The following GRID1 variants were observed in gnomAD, a reference collection of about 807,000 sequenced individuals.
GRID1 encodes glutamate ionotropic receptor delta type subunit 1, also known as glutamate receptor ionotropic, delta-1.
In GRID1, 28 loss-of-function variants were observed where a neutral mutation model predicts 98.0. The ratio of observed to expected loss-of-function variants is 0.29; its 90% CI spans 0.21 to 0.39. The LOEUF (loss-of-function observed/expected upper bound fraction) is 0.39, where lower values mean the gene tolerates loss of function less well. GRID1 is among the 10% of genes least tolerant of loss of function. The pLI is 1.00. For synonymous variants in GRID1, 553 were observed against 538.5 expected, an observed-to-expected ratio of 1.03 and a Z score of -0.37; for missense variants, 1,111 against 1,340.5, an observed-to-expected ratio of 0.83 and a Z score of 2.67.
At chr10:86,191,938 G>A (rs1421922519) in intron 3 of GRID1, among the ~76,000 whole-genome samples, 1 of 152,172 alleles carries the variant, frequency 6.6e-6, no homozygotes, top group Non-Finnish European at 1.5e-5. Flanking sequence ...CAGAGGTCTT[G>A]AGGGAGTGAT....
intron 12 of GRID1, among the ~76,000 whole-genome samples, chr10:85,680,566 G>A (rs1023793685): frequency 6.6e-6 from 1 of 152,190 alleles, no homozygotes; most frequent in Non-Finnish European, 1.5e-5. Context: ...ACAGAATGGA[G>A]ATTTCTCAAA....
At chr10:85,719,493 G>C (rs1841676178) in intron 12 of GRID1, among the ~76,000 whole-genome samples, 1 of 152,210 alleles carries the variant, frequency 6.6e-6, no homozygotes, top group Non-Finnish European at 1.5e-5. Flanking sequence ...ATCATGGTGG[G>C]AGGTGAAAGG....
At chr10:86,145,263 C>T (rs1209872659) in intron 3 of GRID1, among the ~76,000 whole-genome samples, 1 of 152,132 alleles carries the variant, frequency 6.6e-6, no homozygotes, top group African/African-American at 2.4e-5. Flanking sequence ...GCTCTTGTTG[C>T]CCAGGCTGGA....
chr10:86,303,743 G>A (rs751930591), intron 2 of GRID1, among the ~76,000 whole-genome samples: 1 of 152,176 alleles, frequency 6.6e-6, no homozygotes, highest in Non-Finnish European at 1.5e-5. Context: ...TCACCCAGTT[G>A]CACAGGGAGC....
intron 12 of GRID1, among the ~76,000 whole-genome samples, chr10:85,695,114 T>A (rs1841379114): frequency 6.6e-6 from 1 of 152,074 alleles, no homozygotes; most frequent in South Asian, 2.1e-4. Context: ...ATAAGAGAAA[T>A]ACTAATTTGG....
intron 4 of GRID1, among the ~76,000 whole-genome samples, chr10:86,102,819 T>C (rs747496397): frequency 1.3e-5 from 2 of 152,166 alleles, no homozygotes; most frequent in Non-Finnish European, 2.9e-5. Context: ...TCATCTTGAA[T>C]TGTAGTGCCC....
intron 3 of GRID1, among the ~76,000 whole-genome samples, chr10:86,151,517 T>C (rs900837058): frequency 6.6e-6 from 1 of 152,096 alleles, no homozygotes; most frequent in Non-Finnish European, 1.5e-5. Context: ...ATGCTGGAGT[T>C]TGGCATTTAA....
At chr10:86,174,879 A>G (rs1258653275) in intron 3 of GRID1, among the ~76,000 whole-genome samples, 2 of 152,180 alleles carry the variant, frequency 1.3e-5, no homozygotes, top group African/African-American at 2.4e-5. Context: ...CAGCCAAAAA[A>G]CACATGAAAA....
intron 3 of GRID1, among the ~76,000 whole-genome samples, chr10:86,146,695 C>T (rs1431065091): frequency 1.3e-5 from 2 of 152,162 alleles, no homozygotes; most frequent in African/African-American, 4.8e-5. Context: ...GGGCCAGGCC[C>T]TATGCTTGGT....
At chr10:85,634,954 T>C (rs1021232243) in intron 13 of GRID1, among the ~76,000 whole-genome samples, 4 of 124,414 alleles carry the variant, frequency 3.2e-5, no homozygotes, top group African/African-American at 9.4e-5. Flanking sequence ...AGGTGAAGCG[T>C]ATCAGACCTG....
chr10:85,993,157 T>C (rs1842702130), intron 4 of GRID1, among the ~76,000 whole-genome samples: 1 of 152,048 alleles, frequency 6.6e-6, no homozygotes, highest in Non-Finnish European at 1.5e-5. Flanking sequence ...GTAAGTAAGG[T>C]AAGAGAAGAG....
chr10:85,614,528 C>T (rs1357604712), intron 14 of GRID1, among the ~76,000 whole-genome samples: 1 of 152,150 alleles, frequency 6.6e-6, no homozygotes, highest in Non-Finnish European at 1.5e-5. Flanking sequence ...GGTGAAATGT[C>T]TTGCCAAAAG....
intron 2 of GRID1, among the ~76,000 whole-genome samples, chr10:86,309,465 C>T (rs1589444889): frequency 6.6e-6 from 1 of 152,194 alleles, no homozygotes; most frequent in Non-Finnish European, 1.5e-5. Flanking sequence ...AGGGATCATG[C>T]CTGCATGCTC....
intron 3 of GRID1, among the ~76,000 whole-genome samples, chr10:86,165,870 G>T (rs937754294): frequency 3.9e-5 from 6 of 152,182 alleles, no homozygotes; most frequent in African/African-American, 1.4e-4. Context: ...CAGGAGGTAA[G>T]ACTCACTCCT....
intron 15 of GRID1, among the ~76,000 whole-genome samples, chr10:85,609,090 A>G (rs1396563129): frequency 2.0e-5 from 3 of 152,180 alleles, no homozygotes; most frequent in Non-Finnish European, 4.4e-5. Context: ...ACATACCCAG[A>G]GGAAAGGACA....
intron 3 of GRID1, among the ~76,000 whole-genome samples, chr10:86,157,942 C>G (rs1336537060): frequency 6.6e-6 from 1 of 152,170 alleles, no homozygotes; most frequent in Non-Finnish European, 1.5e-5. Context: ...CTGTGGTCTC[C>G]CTGAAAGGAT....
intron 4 of GRID1, among the ~76,000 whole-genome samples, chr10:85,987,426 C>CTTT (rs1842622770): frequency 9.7e-6 from 1 of 103,264 alleles, no homozygotes; most frequent in Non-Finnish European, 2.0e-5. Context: ...CTAATTACCC[C>CTTT]CCAGCTTTAC....
At chr10:86,286,582 A>G (rs1902689) in intron 2 of GRID1, among the ~76,000 whole-genome samples, 140,456 of 152,232 alleles carry the variant, frequency 0.92, 65,518 homozygotes, top group African/African-American at 0.96. Context: ...CCGTGGCATC[A>G]CGAGGCAGAT....
At position 85,925,827 on chromosome 10, in the gene GRID1, C is replaced by T. The variant is rs146759598; in HGVS notation, c.727-9588G>A. On this transcript the variant is annotated intron_variant, in intron 4 of 15. Transcript: ENST00000327946. ...CCCAGCTGCTCAATTAAAGCATTAG[C>T]GCTCAAGGTTAATGCTGTGACCCCT... Among the ~76,000 whole-genome samples, 56 of 152,336 alleles carry T rather than the reference C, an allele frequency of 3.7e-4. No individual in the cohort carries two copies. In the East Asian group the frequency reaches 4.2e-3, roughly 12 times the overall value.
Sources: gnomAD v4.1 joint callset for allele counts (sites outside exome capture counted in the v4.1 genomes callset) on GRCh38, gnomAD v4.1.1 for gene constraint, MANE v1.5 for transcripts, NCBI Gene and HGNC (gene_info 2026-07-23, HGNC 2026-07-21) for gene names.